Variants in PHF20 observed in about 807,000 individuals in gnomAD.
The protein encoded by PHF20 is glioma-expressed antigen 2.
In PHF20, 23 loss-of-function variants were observed where a neutral mutation model predicts 113.5. The observed-to-expected ratio is 0.20, with a 90% CI of 0.15 to 0.29. The LOEUF (loss-of-function observed/expected upper bound fraction) is 0.29. PHF20 is among the 10% of genes least tolerant of loss of function. The pLI, the probability that PHF20 is intolerant of heterozygous loss-of-function variation, is 1.00. For synonymous variants in PHF20, 434 were observed against 457.3 expected, an observed-to-expected ratio of 0.95 and a Z score of 0.65; for missense variants, 943 against 1,219.6, an observed-to-expected ratio of 0.77 and a Z score of 3.38.
At chr20:35,915,955 C>A (rs2055395741) in intron 12 of PHF20, among the ~76,000 whole-genome samples, 1 of 151,998 alleles carries the variant, frequency 6.6e-6, no homozygotes, top group Non-Finnish European at 1.5e-5. Context: ...GGCAACATGG[C>A]AAACCTTGCC....
At chr20:35,805,354 T>TTTTTTATTATTA (rs1555918351) in intron 2 of PHF20, among the ~76,000 whole-genome samples, 2 of 125,196 alleles carry the variant, frequency 1.6e-5, no homozygotes, top group African/African-American at 3.1e-5. Context: ...CGCCTGATTT[T>TTTTTTATTATTA]TTATTATTAT....
intron 2 of PHF20, among the ~76,000 whole-genome samples, chr20:35,833,479 A>G (rs1219008739): frequency 6.6e-6 from 1 of 152,186 alleles, no homozygotes; most frequent in Non-Finnish European, 1.5e-5. Flanking sequence ...TCCTCTTGAC[A>G]TCTACAACAT....
chr20:35,910,257 A>AG lies in PHF20; in HGVS notation c.1562-2989dup, dbSNP rs34404714. ...ATGCAGGTTGGTGGGGCTGAGGGGA[A>AG]GGGCTTAGGGGAGGGGAAATGCTGC... On this transcript the variant is annotated intron_variant, in intron 10 of 17. Coordinates refer to ENST00000374012, the MANE Select transcript of PHF20 (RefSeq NM_016436.5). Among the ~76,000 whole-genome samples, 809 of 152,252 alleles carry AG rather than the reference A, an allele frequency of 5.3e-3. 9 individuals carry two copies. Among genetic ancestry groups the AG allele is most frequent in the African/African-American group, 0.019 (776 of 41,540 alleles).
At chr20:35,798,747 C>A (rs371973530) in intron 1 of PHF20, among the ~76,000 whole-genome samples, 1 of 151,906 alleles carries the variant, frequency 6.6e-6, no homozygotes, top group Non-Finnish European at 1.5e-5. Context: ...AGCCACCATG[C>A]CTGGCCTTTT....
rs546950881 is a variant in PHF20 at position 35,839,771 on chromosome 20, A to G, written c.84-2802A>G. 3.9e-5 allele frequency among the ~76,000 whole-genome samples: 6 copies of G among 152,154 alleles called. No homozygotes were observed. The East Asian group carries it at 9.6e-4, about 24-fold the overall frequency. Reference sequence around the variant, plus strand: ...AGCAATTAGGAATTATGGAAAACATACCCTTCCAGTCCTCTGTGAGGAATA... The same window carrying G: ...AGCAATTAGGAATTATGGAAAACATGCCCTTCCAGTCCTCTGTGAGGAATA... On this transcript the variant is annotated intron_variant, in intron 2 of 17. Transcript: ENST00000374012.
In PHF20 at chr20:35,917,557, T is replaced by C. The variant is rs772185257; in HGVS notation, c.1899T>C (p.Asp633=). The C allele has an allele frequency of 6.2e-7, 1 of 1,613,976 alleles. No homozygotes were observed. Among genetic ancestry groups the C allele is most frequent in the African/African-American group, 1.3e-5 (1 of 74,920 alleles). Residue 633 remains aspartate, a synonymous_variant, in exon 13 of 18, where the codon GAT becomes GAC. Coordinates refer to ENST00000374012, the MANE Select transcript of PHF20 (RefSeq NM_016436.5). ...WSDDEYGQDV[D]VTTNPDEELD... is the part of the protein sequence containing the mutation. ...ATGATGAGTATGGCCAAGATGTGGA[T>C]GTGACCACCAACCCAGATGAGGAAC...
At chr20:35,796,724 A>G (rs17430100) in intron 1 of PHF20, among the ~76,000 whole-genome samples, 5,912 of 152,338 alleles carry the variant, frequency 0.039, 217 homozygotes, top group South Asian at 0.2. Context: ...AGATATGAAT[A>G]TAAGCATAGC....
At chr20:35,825,638 C>G (rs1356830571) in intron 2 of PHF20, among the ~76,000 whole-genome samples, 1 of 152,186 alleles carries the variant, frequency 6.6e-6, no homozygotes, top group African/African-American at 2.4e-5. Flanking sequence ...AATTGCTACT[C>G]TATAATTAGG....
chr20:35,828,208 G>T (rs533570879), intron 2 of PHF20, among the ~76,000 whole-genome samples: 192 of 152,112 alleles, frequency 1.3e-3, no homozygotes, highest in Admixed American at 2.3e-3. Flanking sequence ...ATTTTTAGTA[G>T]AGACGGAGTT....
chr20:35,801,399 G>A, intron 1 of PHF20, 92 bp from the exon 2 acceptor site: 1 of 630,826 alleles, frequency 1.6e-6, no homozygotes, highest in Non-Finnish European at 2.8e-6. Flanking sequence ...TTTGTGTTTT[G>A]AATAATGCCT....
intron 1 of PHF20, chr20:35,800,221 G>A (rs2041752102): frequency 6.6e-6 from 1 of 151,972 alleles, no homozygotes. Context: ...AAAAAATCTG[G>A]GTAAAACTTA....
At chr20:35,915,590 TTGGTCAGGC>T (rs1365567618) in intron 12 of PHF20, among the ~76,000 whole-genome samples, 2 of 152,020 alleles carry the variant, frequency 1.3e-5, no homozygotes, top group Non-Finnish European at 2.9e-5. Flanking sequence ...TTTCACCATG[TTGGTCAGGC>T]TGGTCTTGAA....
At chr20:35,928,210 G>A (rs900573122) in intron 14 of PHF20, among the ~76,000 whole-genome samples, 3 of 151,852 alleles carry the variant, frequency 2.0e-5, no homozygotes, top group Non-Finnish European at 4.4e-5. Flanking sequence ...AGGCCAAGGC[G>A]GGTGAATCAA....
chr20:35,879,963 G>A (rs6060657), intron 9 of PHF20, among the ~76,000 whole-genome samples: 1 of 151,988 alleles, frequency 6.6e-6, no homozygotes, highest in Non-Finnish European at 1.5e-5. Context: ...CTGTGCTCCA[G>A]AGCTGTGACA....
At chr20:35,838,521 C>T (rs2042481734) in intron 2 of PHF20, 1 of 151,958 alleles carries the variant, frequency 6.6e-6, no homozygotes, top group Admixed American at 6.6e-5. Context: ...TTTGAGTTTA[C>T]CTCCCACATT....
At chr20:35,864,913 AT>A (rs2054287830) in intron 6 of PHF20, among the ~76,000 whole-genome samples, 1 of 152,148 alleles carries the variant, frequency 6.6e-6, no homozygotes, top group African/African-American at 2.4e-5. Flanking sequence ...TAAAATACTG[AT>A]TACGGCTGGG....
intron 2 of PHF20, among the ~76,000 whole-genome samples, chr20:35,837,241 C>T (rs956200693): frequency 6.6e-6 from 1 of 152,120 alleles, no homozygotes; most frequent in African/African-American, 2.4e-5. Context: ...TTATTTTTTA[C>T]TTATACAAGT....
At chr20:35,852,541 C>T (rs953821736) in intron 4 of PHF20, among the ~76,000 whole-genome samples, 9 of 152,172 alleles carry the variant, frequency 5.9e-5, no homozygotes, top group South Asian at 2.1e-4. Context: ...GGAAGGCATG[C>T]CCACAAACAT....
intron 2 of PHF20, among the ~76,000 whole-genome samples, chr20:35,805,398 T>TATTATTA (rs2041863018): frequency 1.4e-5 from 2 of 146,248 alleles, no homozygotes; most frequent in Non-Finnish European, 1.5e-5. Flanking sequence ...TTATTATTAT[T>TATTATTA]TTGAGATGGA....
Sources: allele counts gnomAD v4.1 joint callset (sites outside exome capture counted in the v4.1 genomes callset), GRCh38; gene constraint gnomAD v4.1.1; transcripts MANE v1.5; gene names NCBI Gene and HGNC (gene_info 2026-07-23, HGNC 2026-07-21).